Variants in PHACTR3 observed in about 807,000 individuals in gnomAD.
The protein encoded by PHACTR3 is protein phosphatase 1, regulatory subunit 123.
Under a neutral mutation model 66.8 loss-of-function variants are expected in PHACTR3, and 16 were observed. The ratio of observed to expected loss-of-function variants is 0.24; its 90% CI spans 0.16 to 0.36. The LOEUF is 0.36. PHACTR3 is among the 10% of genes least tolerant of loss of function. The probability of loss-of-function intolerance (pLI) is 1.00; values close to 1 mark genes in which losing one functional copy is unlikely to be tolerated. For missense variants in PHACTR3, 647 were observed against 719.9 expected, an observed-to-expected ratio of 0.90 and a Z score of 1.16; for synonymous variants, 323 against 292.1, an observed-to-expected ratio of 1.11 and a Z score of -1.08.
intron 1 of PHACTR3, among the ~76,000 whole-genome samples, chr20:59,703,652 C>T (rs2037589412): frequency 6.6e-6 from 1 of 151,830 alleles, no homozygotes; most frequent in Non-Finnish European, 1.5e-5. Context: ...ACCCATAGTT[C>T]TTCTAGATAT....
chr20:59,652,363 A>G (rs2035484467), intron 1 of PHACTR3, among the ~76,000 whole-genome samples: 1 of 152,110 alleles, frequency 6.6e-6, no homozygotes, highest in Non-Finnish European at 1.5e-5. Flanking sequence ...GGGAAACATA[A>G]CAAGACCCCA....
At chr20:59,842,019 T>C (rs1400703580) in intron 11 of PHACTR3, among the ~76,000 whole-genome samples, 3 of 152,158 alleles carry the variant, frequency 2.0e-5, no homozygotes, top group African/African-American at 4.8e-5. Context: ...CTCTACAGTA[T>C]AGAAAAGGTT....
chr20:59,826,290 C>T lies in PHACTR3; in HGVS notation c.1329-10215C>T, dbSNP rs560716322. On this transcript the variant is annotated intron_variant, in intron 8 of 12. Coordinates refer to ENST00000371015, the MANE Select transcript of PHACTR3 (RefSeq NM_080672.5). The stretch of plus-strand genomic sequence containing the variant: ...CTCCAGGAATTCCCTGCCACAGGCT[C>T]GGGCCTCTGGGTCCTGGTGGCTGAG... Among the ~76,000 whole-genome samples the T allele has an allele frequency of 7.4e-4, 112 of 152,190 alleles. 1 individual carries two copies. The highest frequency in any genetic ancestry group is 1.0e-3 in the Non-Finnish European group (68 of 68,000).
intron 1 of PHACTR3, among the ~76,000 whole-genome samples, chr20:59,657,304 A>G (rs2035655441): frequency 6.6e-6 from 1 of 151,062 alleles, no homozygotes. Context: ...ATTTTATGCA[A>G]TTGTTTATTA....
Position 59,660,409 on chromosome 20 carries a change from G to A in PHACTR3, c.118+55277G>A, listed in dbSNP as rs537171989. ...CTCTGGAGGCTGAGGCAGGAGAATG[G>A]CGTGAATCCGGGAGGCGGAGCTTGC... On this transcript the variant is annotated intron_variant, in intron 1 of 12. Transcript: ENST00000371015. 1.4e-4 allele frequency among the ~76,000 whole-genome samples: 21 copies of A among 152,348 alleles called. No individual in the cohort carries two copies. In the East Asian group the frequency reaches 4.1e-3, roughly 29 times the overall value.
intron 8 of PHACTR3, among the ~76,000 whole-genome samples, chr20:59,819,723 C>T (rs1406754777): frequency 6.6e-6 from 1 of 151,836 alleles, no homozygotes; most frequent in Non-Finnish European, 1.5e-5. Context: ...GTACTGGCCA[C>T]CCGTCAACTG....
At chr20:59,613,248 C>T (rs993794741) in intron 1 of PHACTR3, among the ~76,000 whole-genome samples, 8 of 152,326 alleles carry the variant, frequency 5.3e-5, no homozygotes, top group African/African-American at 1.9e-4. Flanking sequence ...AAAGGTTTTC[C>T]TTCCACCAGA....
intron 8 of PHACTR3, among the ~76,000 whole-genome samples, chr20:59,818,255 C>T (rs577279109): frequency 1.3e-4 from 20 of 152,282 alleles, no homozygotes; most frequent in African/African-American, 4.3e-4. Flanking sequence ...CCTTACTTTC[C>T]TCCTCTGTAA....
chr20:59,781,663 A>C (rs914720526), intron 7 of PHACTR3, among the ~76,000 whole-genome samples: 21 of 152,344 alleles, frequency 1.4e-4, no homozygotes, highest in Admixed American at 1.3e-3. Context: ...ACTATACATT[A>C]GGGGTACCAT....
At chr20:59,777,877 G>A (rs2146910311) in intron 7 of PHACTR3, among the ~76,000 whole-genome samples, 1 of 152,170 alleles carries the variant, frequency 6.6e-6, no homozygotes, top group African/African-American at 2.4e-5. Flanking sequence ...TGGCCCCTGA[G>A]CTCCAGGGTG....
At chr20:59,796,626 A>T (rs533293264) in intron 7 of PHACTR3, among the ~76,000 whole-genome samples, 1 of 152,244 alleles carries the variant, frequency 6.6e-6, no homozygotes, top group South Asian at 2.1e-4. Context: ...TGCTGGATAT[A>T]ATATTCTTGG....
intron 1 of PHACTR3, among the ~76,000 whole-genome samples, chr20:59,637,899 A>T (rs1473430562): frequency 6.6e-6 from 1 of 152,146 alleles, no homozygotes; most frequent in African/African-American, 2.4e-5. Flanking sequence ...ATAGTTCTTT[A>T]CATACTTTAT....
chr20:59,808,940 C>T (rs1436940906), intron 8 of PHACTR3, among the ~76,000 whole-genome samples: 2 of 152,180 alleles, frequency 1.3e-5, no homozygotes, highest in South Asian at 2.1e-4. Flanking sequence ...TAGTAGTACA[C>T]CCTCCGCTTC....
intron 3 of PHACTR3, among the ~76,000 whole-genome samples, chr20:59,754,634 C>T (rs1337798502): frequency 1.3e-5 from 2 of 152,248 alleles, no homozygotes; most frequent in East Asian, 3.8e-4. Flanking sequence ...CCCTGCATCT[C>T]AGAGACCTAC....
At chr20:59,817,280 A>G (rs1047883660) in intron 8 of PHACTR3, among the ~76,000 whole-genome samples, 1 of 152,232 alleles carries the variant, frequency 6.6e-6, no homozygotes, top group Non-Finnish European at 1.5e-5. Flanking sequence ...TGCTGTCTCC[A>G]GGCCAGGGTC....
intron 1 of PHACTR3, among the ~76,000 whole-genome samples, chr20:59,675,499 G>T (rs2036423594): frequency 6.6e-6 from 1 of 152,206 alleles, no homozygotes; most frequent in African/African-American, 2.4e-5. Context: ...CTGGGCTATT[G>T]TCCCTGTCTC....
Position 59,847,483 on chromosome 20 carries a change from C to T in PHACTR3, c.*353C>T, listed in dbSNP as rs71321557. The T allele has an allele frequency of 1.4e-4, 30 of 217,386 alleles. No homozygotes were observed. The highest frequency in any genetic ancestry group is 4.6e-5 in the Non-Finnish European group (5 of 109,342). The allele number at this position is 217,386 out of a possible 1,614,324, so 13.5% of individuals were successfully genotyped here. A position where few individuals can be genotyped will look rare whatever the true frequency, so the allele number is the denominator to read the frequency against. ...ATGTGCAGGCTCACCACTCCCAGGC[C>T]TCTGACATGAGGGACATGTGACAGT... On this transcript the variant is annotated 3_prime_UTR_variant, in exon 13 of 13. Transcript: ENST00000371015.
At chr20:59,617,289 A>G (rs2034061708) in intron 1 of PHACTR3, among the ~76,000 whole-genome samples, 1 of 152,194 alleles carries the variant, frequency 6.6e-6, no homozygotes, top group South Asian at 2.1e-4. Context: ...AAAAAAAACA[A>G]CAATAAACAA....
In PHACTR3 at chr20:59,829,133, A is replaced by G. The variant is rs2042273718; in HGVS notation, c.1329-7372A>G. The stretch of plus-strand genomic sequence containing the variant: ...GAGCAGGTGTGAGGAGGTGGGGAAC[A>G]GGGTGTGAAAAGGTCGGCTTTGGAC... On this transcript the variant is annotated intron_variant, in intron 8 of 12. Coordinates refer to ENST00000371015, the MANE Select transcript of PHACTR3 (RefSeq NM_080672.5). The surrounding 1 kb of genome is among the most constrained non-coding windows in gnomAD (Gnocchi z 4.2). Among the ~76,000 whole-genome samples, 1 of 152,066 alleles carries G rather than the reference A, an allele frequency of 6.6e-6. No homozygotes were observed. Among genetic ancestry groups the G allele is most frequent in the African/African-American group, 2.4e-5 (1 of 41,396 alleles).
Sources: allele counts gnomAD v4.1 joint callset (sites outside exome capture counted in the v4.1 genomes callset), GRCh38; gene constraint gnomAD v4.1.1; non-coding constraint Gnocchi (gnomAD v3.1); transcripts MANE v1.5; gene names NCBI Gene and HGNC (gene_info 2026-07-23, HGNC 2026-07-21).